Variants in SLC7A2 observed in about 807,000 individuals in gnomAD.
The protein encoded by SLC7A2 is cationic amino acid transporter 2.
In SLC7A2, 48 loss-of-function variants were observed where a neutral mutation model predicts 58.9. That is an observed-to-expected ratio of 0.82 (90% CI 0.65 to 1.04). The LOEUF (loss-of-function observed/expected upper bound fraction) is 1.04, where lower values mean the gene tolerates loss of function less well. Ranked by LOEUF, SLC7A2 falls within the 50% of genes least tolerant of loss-of-function variation. The probability of loss-of-function intolerance (pLI) is 0.00; values close to 1 mark genes in which losing one functional copy is unlikely to be tolerated. For missense variants in SLC7A2, 1,029 were observed against 818.8 expected, an observed-to-expected ratio of 1.26 and a Z score of -3.13; for synonymous variants, 363 against 314.5, an observed-to-expected ratio of 1.15 and a Z score of -1.63.
intron 4 of SLC7A2, among the ~76,000 whole-genome samples, chr8:17,545,069 G>C (rs1277508656): frequency 6.6e-6 from 1 of 152,154 alleles, no homozygotes; most frequent in African/African-American, 2.4e-5. Context: ...CTAATCACCT[G>C]TCATTTTGTA....
intron 2 of SLC7A2, among the ~76,000 whole-genome samples, chr8:17,526,270 G>C (rs1801219791): frequency 6.6e-6 from 1 of 152,264 alleles, no homozygotes; most frequent in Middle Eastern, 3.4e-3. Flanking sequence ...AAAAGTATGG[G>C]TTTGTGAAAA....
At chr8:17,548,478 C>T (rs544618226) in intron 4 of SLC7A2, among the ~76,000 whole-genome samples, 200 bp from the exon 5 acceptor site, 71 of 152,150 alleles carry the variant, frequency 4.7e-4, no homozygotes, top group Non-Finnish European at 7.6e-4. Context: ...GACCTGCCTC[C>T]GAAATTGAGT....
intron 2 of SLC7A2, among the ~76,000 whole-genome samples, chr8:17,536,938 C>T (rs578146026): frequency 4.6e-5 from 7 of 152,216 alleles, no homozygotes; most frequent in Non-Finnish European, 7.3e-5. Context: ...GCGTTAGAAG[C>T]GCAGCAAGGC....
chr8:17,520,554 T>A (rs1272781264), intron 2 of SLC7A2, among the ~76,000 whole-genome samples: 1 of 144,632 alleles, frequency 6.9e-6, no homozygotes. Flanking sequence ...GGCACGAGAA[T>A]TGCTTGAACC....
chr8:17,532,646 T>C (rs1477219334), intron 2 of SLC7A2, among the ~76,000 whole-genome samples: 1 of 152,152 alleles, frequency 6.6e-6, no homozygotes. Context: ...GAAAACTTAA[T>C]TGGAGAAATT....
intron 4 of SLC7A2, among the ~76,000 whole-genome samples, chr8:17,546,655 C>T (rs1468001661): frequency 6.6e-6 from 1 of 152,174 alleles, no homozygotes; most frequent in Non-Finnish European, 1.5e-5. Flanking sequence ...GTTGACCATA[C>T]AGCTTTCCTT....
chr8:17,514,730 G>T (rs139155214), intron 2 of SLC7A2, among the ~76,000 whole-genome samples: 1 of 152,192 alleles, frequency 6.6e-6, no homozygotes, highest in African/African-American at 2.4e-5. Context: ...TTCAATAAAG[G>T]CCTCATTCCT....
At position 17,561,933 on chromosome 8, in the gene SLC7A2, T is replaced by TC; in HGVS notation, c.1505-6dup. On this transcript the variant is annotated splice_polypyrimidine_tract_variant and intron_variant, in intron 10 of 12. Coordinates refer to ENST00000494857, the MANE Select transcript of SLC7A2 (RefSeq NM_001370338.1). ...GTGTGCTGACTCTGTTATCTACACA[T>TC]CCCCCTGCAGCTTTCCTCGTGTTGG... is the stretch of plus-strand genomic sequence containing the variant. The TC allele has an allele frequency of 6.2e-7, 1 of 1,613,500 alleles. No homozygotes were observed. Among genetic ancestry groups the TC allele is most frequent in the South Asian group, 1.1e-5 (1 of 91,032 alleles).
At chr8:17,515,788 C>T (rs1297890563) in intron 2 of SLC7A2, among the ~76,000 whole-genome samples, 1 of 152,114 alleles carries the variant, frequency 6.6e-6, no homozygotes, top group Non-Finnish European at 1.5e-5. Flanking sequence ...TGGCAGATAA[C>T]CTTGTCTAAT....
chr8:17,556,947 A>T (rs1372700906), intron 8 of SLC7A2, among the ~76,000 whole-genome samples: 1 of 152,124 alleles, frequency 6.6e-6, no homozygotes, highest in Non-Finnish European at 1.5e-5. Flanking sequence ...TGTTAAAAGA[A>T]ACACTGTGAT....
intron 5 of SLC7A2, 124 bp downstream of exon 5, chr8:17,548,967 AAG>A (rs1802311755): frequency 1.2e-6 from 1 of 830,628 alleles, no homozygotes. Context: ...TATAAGGAAA[AAG>A]AGATTTAATG....
At chr8:17,507,434 G>GA (rs2150657572) in intron 2 of SLC7A2, among the ~76,000 whole-genome samples, 2 of 152,124 alleles carry the variant, frequency 1.3e-5, no homozygotes, top group Non-Finnish European at 2.9e-5. Context: ...GGCTGGTTTT[G>GA]AACTCCTGGC....
intron 2 of SLC7A2, among the ~76,000 whole-genome samples, chr8:17,531,240 T>A (rs1234893699): frequency 6.6e-6 from 1 of 152,192 alleles, no homozygotes; most frequent in East Asian, 1.9e-4. Flanking sequence ...GGAGTTTCTC[T>A]CTCTTCTTAC....
chr8:17,542,227 T>C (rs760201211), intron 2 of SLC7A2, among the ~76,000 whole-genome samples: 9 of 152,330 alleles, frequency 5.9e-5, no homozygotes, highest in East Asian at 1.9e-4. Flanking sequence ...GATAAAGCTG[T>C]AGAATACGTA....
intron 2 of SLC7A2, among the ~76,000 whole-genome samples, chr8:17,535,700 C>G (rs1310202988): frequency 6.6e-6 from 1 of 152,084 alleles, no homozygotes; most frequent in Non-Finnish European, 1.5e-5. Context: ...GTAGGGAGTT[C>G]GAAACCAGCC....
chr8:17,565,372 A>C lies in SLC7A2; in HGVS notation c.*226A>C, dbSNP rs761341672. Reference sequence around the variant, plus strand: ...ATTCATCAGTGATGAATAGCCCCCAAACAGTGGGAGTGTGTATGTATGTGT... The same window carrying C: ...ATTCATCAGTGATGAATAGCCCCCACACAGTGGGAGTGTGTATGTATGTGT... On this transcript the variant is annotated 3_prime_UTR_variant, in exon 13 of 13. Coordinates refer to ENST00000494857, the MANE Select transcript of SLC7A2 (RefSeq NM_001370338.1). 3 of 527,314 alleles carry C rather than the reference A, an allele frequency of 5.7e-6. No homozygotes were observed. The highest frequency in any genetic ancestry group is 6.7e-6 in the Non-Finnish European group (2 of 296,642). The allele number at this position is 527,314 out of a possible 1,614,324, so 32.7% of individuals were successfully genotyped here.
chr8:17,564,312 A>G (rs890673337), intron 12 of SLC7A2, among the ~76,000 whole-genome samples: 15 of 152,250 alleles, frequency 9.9e-5, no homozygotes, highest in African/African-American at 3.1e-4. Context: ...ACTTCTAAGA[A>G]CATCAATTAA....
At chr8:17,559,512 G>A (rs1040960674) in intron 9 of SLC7A2, among the ~76,000 whole-genome samples, 9 of 152,144 alleles carry the variant, frequency 5.9e-5, no homozygotes, top group Non-Finnish European at 1.2e-4. Flanking sequence ...GTTGCAGTGA[G>A]CTGAGATCAC....
At chr8:17,513,810 G>C (rs1225686220) in intron 2 of SLC7A2, among the ~76,000 whole-genome samples, 2 of 152,144 alleles carry the variant, frequency 1.3e-5, no homozygotes, top group African/African-American at 4.8e-5. Context: ...ACAGCGCTAA[G>C]AGGGAAAGTT....
Sources: allele counts gnomAD v4.1 joint callset (sites outside exome capture counted in the v4.1 genomes callset), GRCh38; gene constraint gnomAD v4.1.1; transcripts MANE v1.5; gene names NCBI Gene and HGNC (gene_info 2026-07-23, HGNC 2026-07-21).